The following SLC9C1 variants were observed in gnomAD, a reference collection of about 807,000 sequenced individuals.
SLC9C1 encodes the protein sodium/hydrogen exchanger 10.
A neutral mutation model predicts 140.9 loss-of-function variants in SLC9C1; 97 were observed. The ratio of observed to expected loss-of-function variants is 0.69; its 90% CI spans 0.58 to 0.82. SLC9C1 has a LOEUF of 0.82. Ranked by LOEUF, SLC9C1 falls within the 40% of genes least tolerant of loss-of-function variation. The pLI is 0.00. For synonymous variants in SLC9C1, 440 were observed against 442.6 expected (o/e 0.99, Z 0.07); for missense variants, 1,340 against 1,389.3 (o/e 0.96, Z 0.56).
intron 28 of SLC9C1, 99 bp downstream of exon 28, chr3:112,151,757 AT>A: frequency 1.2e-6 from 1 of 837,182 alleles, no homozygotes; most frequent in Non-Finnish European, 2.0e-6. Context: ...AAGAGCTATA[AT>A]TCACACTATC....
In SLC9C1 at chr3:112,196,496, G is replaced by A. The variant is rs1400853111; in HGVS notation, c.2523+2825C>T. Among the ~76,000 whole-genome samples the A allele has an allele frequency of 2.6e-5, 4 of 151,550 alleles. No individual in the cohort carries two copies. The East Asian group carries it at 7.7e-4, about 29-fold the overall frequency. On this transcript the variant is annotated intron_variant, in intron 20 of 28. Transcript: ENST00000305815. ...TTGTCTTTTTTCCTTCTCTCTCTTG[G>A]ACTCCCACAATATATATTGGTCTGC...
At chr3:112,277,072 C>G (rs950176185) in intron 5 of SLC9C1, among the ~76,000 whole-genome samples, 1 of 151,998 alleles carries the variant, frequency 6.6e-6, no homozygotes, top group African/African-American at 2.4e-5. Flanking sequence ...TTCTAGTTCT[C>G]ATTATTAAAA....
chr3:112,161,663 G>C (rs1319894537), intron 26 of SLC9C1, among the ~76,000 whole-genome samples: 2 of 151,900 alleles, frequency 1.3e-5, no homozygotes, highest in Non-Finnish European at 2.9e-5. Context: ...ATGCTGTTTT[G>C]GTTACTGCAG....
rs371629244 is a variant in SLC9C1 at position 112,197,529 on chromosome 3, G to GTAGCTAA, written c.2523+1791_2523+1792insTTAGCTA. ...CTGCCATGGTGCTGAGGGGTGAGGA[G>GTAGCTAA]TAGCTATTACTGTGCTAAGAGATAA... On this transcript the variant is annotated intron_variant, in intron 20 of 28. Transcript: ENST00000305815. 3.1e-3 allele frequency among the ~76,000 whole-genome samples: 468 copies of GTAGCTAA among 152,252 alleles called. 4 individuals carry two copies. The highest frequency in any genetic ancestry group is 0.011 in the African/African-American group (448 of 41,560).
intron 23 of SLC9C1, 130 bp downstream of exon 23, chr3:112,179,401 C>CT (rs2077397301): frequency 1.9e-6 from 2 of 1,060,930 alleles, no homozygotes; most frequent in South Asian, 3.9e-5. Context: ...AGTTTTGTTC[C>CT]TTTATAATTC....
intron 27 of SLC9C1, among the ~76,000 whole-genome samples, chr3:112,153,229 A>T (rs1279564109): frequency 1.3e-5 from 2 of 152,172 alleles, no homozygotes; most frequent in Non-Finnish European, 2.9e-5. Flanking sequence ...CTCCTGCTTC[A>T]TTAACAACCA....
chr3:112,151,790 G>T, intron 28 of SLC9C1, 67 bp downstream of exon 28: 1 of 1,209,960 alleles, frequency 8.3e-7, no homozygotes. Context: ...AAGTAACTTT[G>T]GCTTCAGTCT....
intron 2 of SLC9C1, among the ~76,000 whole-genome samples, chr3:112,281,588 G>A (rs2080357843): frequency 6.6e-6 from 1 of 152,194 alleles, no homozygotes; most frequent in Admixed American, 6.5e-5. Context: ...AGATGCATGG[G>A]TCTTAGAAGA....
At chr3:112,175,795 G>A (rs1321921918) in intron 23 of SLC9C1, among the ~76,000 whole-genome samples, 1 of 152,188 alleles carries the variant, frequency 6.6e-6, no homozygotes, top group Non-Finnish European at 1.5e-5. Context: ...ATTTGCTGGA[G>A]CCCTAAGGCA....
At chr3:112,235,034 G>A (rs1464519899) in intron 12 of SLC9C1, among the ~76,000 whole-genome samples, 2 of 151,488 alleles carry the variant, frequency 1.3e-5, no homozygotes, top group African/African-American at 4.9e-5. Flanking sequence ...GTAGCTTGAT[G>A]GGGATGGCAT....
At chr3:112,218,860 T>A (rs1321453546) in intron 14 of SLC9C1, among the ~76,000 whole-genome samples, 1 of 152,222 alleles carries the variant, frequency 6.6e-6, no homozygotes, top group Non-Finnish European at 1.5e-5. Flanking sequence ...CTATTTTACA[T>A]CAACATGTTC....
At position 112,275,009 on chromosome 3, in the gene SLC9C1, G is replaced by T; in HGVS notation, c.501C>A (p.Leu167=). The change falls in exon 6 of 29, where the codon CTC becomes CTA. Residue 167 remains leucine (L), a synonymous_variant. Coordinates refer to ENST00000305815, the MANE Select transcript of SLC9C1 (RefSeq NM_183061.3). The stretch of plus-strand genomic sequence containing the variant: ...GACTTTCTCCATTAATTAAACTGAT[G>T]AGGCTTCTAGAAAGCCCTACATATG... ...AIRDLGLSRS[L]ISLINGESLM... 6.4e-7 allele frequency: 1 copy of T among 1,570,598 alleles called. No individual in the cohort carries two copies. The highest frequency in any genetic ancestry group is 1.4e-5 in the African/African-American group (1 of 72,020).
At chr3:112,256,818 T>C (rs62276971) in intron 10 of SLC9C1, among the ~76,000 whole-genome samples, 30,449 of 152,018 alleles carry the variant, frequency 0.2, 3,405 homozygotes, top group Middle Eastern at 0.26. Flanking sequence ...GAAAACCCCA[T>C]AGTTGGCCCA....
At chr3:112,244,146 A>G (rs1181613674) in intron 10 of SLC9C1, 70 bp from the exon 11 acceptor site, 3 of 932,262 alleles carry the variant, frequency 3.2e-6, no homozygotes, top group Non-Finnish European at 4.7e-6. Flanking sequence ...ATTTACCAAT[A>G]TAAATTAAGC....
At chr3:112,243,968 A>G (rs1199613835) in intron 11 of SLC9C1, 27 bp downstream of exon 11, 6 of 1,457,072 alleles carry the variant, frequency 4.1e-6, no homozygotes, top group Non-Finnish European at 5.6e-6. Context: ...TTTTCTCTCC[A>G]CAGGAATAGT....
At chr3:112,202,098 G>A (rs1267414348) in intron 18 of SLC9C1, 152 bp downstream of exon 18, 1 of 841,610 alleles carries the variant, frequency 1.2e-6, no homozygotes, top group Non-Finnish European at 1.8e-6. Context: ...AGGCATTTGA[G>A]TAATTTAAAT....
chr3:112,245,104 G>A (rs1289315730), intron 10 of SLC9C1, among the ~76,000 whole-genome samples: 2 of 152,106 alleles, frequency 1.3e-5, no homozygotes, highest in East Asian at 3.8e-4. Context: ...CCAATGAGAG[G>A]CAGCTAGTAT....
Position 112,195,900 on chromosome 3 carries a change from G to A in SLC9C1, c.2523+3421C>T, listed in dbSNP as rs564268194. Among the ~76,000 whole-genome samples, 10 of 152,062 alleles carry A rather than the reference G, an allele frequency of 6.6e-5. No individual in the cohort carries two copies. In the South Asian group the frequency reaches 8.3e-4, roughly 13 times the overall value. On this transcript the variant is annotated intron_variant, in intron 20 of 28. Coordinates refer to ENST00000305815, the MANE Select transcript of SLC9C1 (RefSeq NM_183061.3). ...TGTTTTTAGTAGAAATATTATTCTC[G>A]TAAATCATTTAGAAAACAAAAAGTG...
At chr3:112,225,940 G>A (rs377446740) in intron 13 of SLC9C1, among the ~76,000 whole-genome samples, 15 of 152,098 alleles carry the variant, frequency 9.9e-5, no homozygotes, top group Non-Finnish European at 1.6e-4. Flanking sequence ...GATCTGAAGG[G>A]AGAGAAAGAC....
Sources: gnomAD v4.1 joint callset for allele counts (sites outside exome capture counted in the v4.1 genomes callset) on GRCh38, gnomAD v4.1.1 for gene constraint, MANE v1.5 for transcripts, NCBI Gene and HGNC (gene_info 2026-07-23, HGNC 2026-07-21) for gene names.